The following PCDHGA2 variants were observed in gnomAD, a reference collection of about 807,000 sequenced individuals.
PCDHGA2 encodes the protein protocadherin gamma subfamily A, 2, also known as protocadherin gamma-A2.
Under a neutral mutation model 59.2 loss-of-function variants are expected in PCDHGA2, and 40 were observed. The ratio of observed to expected loss-of-function variants is 0.68; its 90% confidence interval spans 0.52 to 0.88. The LOEUF (loss-of-function observed/expected upper bound fraction) is 0.88. Ranked by LOEUF, PCDHGA2 falls within the 40% of genes least tolerant of loss-of-function variation. PCDHGA2 has a pLI of 0.00. For synonymous variants in PCDHGA2, 560 were observed against 526.0 expected (o/e 1.06, Z -0.89); for missense variants, 1,226 against 1,204.0 (o/e 1.02, Z -0.27).
At position 141,339,538 on chromosome 5, in the gene PCDHGA2, C is replaced by G. The variant is rs1416119885; in HGVS notation, c.567C>G (p.Asn189Lys). 3.1e-6 allele frequency: 5 copies of G among 1,614,056 alleles called. No homozygotes were observed. The African/African-American group carries it at 6.7e-5, about 22-fold the overall frequency. Residue 189 changes from asparagine (N) to lysine (K), a missense_variant, in exon 1 of 4, where the codon AAC becomes AAG. Coordinates refer to ENST00000394576, the MANE Select transcript of PCDHGA2 (RefSeq NM_018915.4). ...SLDVRRGADG[N>K]KYPELVLERS... is the part of the protein sequence containing the mutation. ...ACGTGCGAAGGGGAGCTGATGGGAACAAGTACCCAGAACTGGTGCTGGAGC... is the reference window on the plus strand; with the variant it reads ...ACGTGCGAAGGGGAGCTGATGGGAAGAAGTACCCAGAACTGGTGCTGGAGC...
intron 1 of PCDHGA2, chr5:141,389,226 C>G: frequency 6.2e-7 from 1 of 1,614,064 alleles, no homozygotes; most frequent in Non-Finnish European, 8.5e-7. Context: ...TGACAACGCT[C>G]CGGTTTTCTC....
In PCDHGA2 at chr5:141,339,855, A is replaced by G. The variant is rs1178068050; in HGVS notation, c.884A>G (p.Lys295Arg). The part of the protein sequence containing the change: ...PGETSEVFEL[K>R]STSGELTIIK... ...GAAACCTCAGAGGTATTTGAGCTTA[A>G]GTCAACATCTGGAGAACTGACAATC... Residue 295 changes from lysine to arginine, a missense_variant, in exon 1 of 4, where the codon AAG (lysine) becomes AGG (arginine). Coordinates refer to ENST00000394576, the MANE Select transcript of PCDHGA2 (RefSeq NM_018915.4). The G allele has an allele frequency of 1.2e-6, 2 of 1,614,072 alleles. No individual in the cohort carries two copies. The highest frequency in any genetic ancestry group is 3.3e-5 in the Admixed American group (2 of 60,014).
chr5:141,341,236 C>T lies in PCDHGA2; in HGVS notation c.2265C>T (p.His755=), dbSNP rs752681745. ...GGGCTTTCCTGCAGACCTATTCCCA[C>T]GAGGTCTCCCTCACTGCGGACTCGC... is the stretch of plus-strand genomic sequence containing the variant. The part of the protein sequence containing the change: ...GVRAFLQTYS[H]EVSLTADSRK... Residue 755 remains histidine (H), a synonymous_variant, in exon 1 of 4, where the codon CAC becomes CAT. Coordinates refer to ENST00000394576, the MANE Select transcript of PCDHGA2 (RefSeq NM_018915.4). 2 of 1,614,248 alleles carry T rather than the reference C, an allele frequency of 1.2e-6. No homozygotes were observed. Among genetic ancestry groups the T allele is most frequent in the South Asian group, 2.2e-5 (2 of 91,088 alleles).
rs1280755615 is a variant in PCDHGA2, at chr5:141,431,629, A to G, written c.2425-63178A>G. 1 of 1,614,246 alleles carries G rather than the reference A, an allele frequency of 6.2e-7. No individual in the cohort carries two copies. ...GGTATGTGGACGACAAGGCGGCCCA[A>G]GTTTTCAAACTAGATTGTAATTCAG... On this transcript the variant is annotated intron_variant, in intron 1 of 3. Transcript: ENST00000394576. The surrounding 1 kb of genome is among the most constrained non-coding windows in gnomAD (Gnocchi z 4.8).
At chr5:141,347,733 G>A (rs1347546007) in intron 1 of PCDHGA2, among the ~76,000 whole-genome samples, 1 of 150,882 alleles carries the variant, frequency 6.6e-6, no homozygotes, top group Non-Finnish European at 1.5e-5. Flanking sequence ...GTTGCAGAGA[G>A]CCAAAATTGG....
rs1264759473 is a variant in PCDHGA2 at position 141,486,183 on chromosome 5, G to A, written c.2425-8624G>A. On this transcript the variant is annotated intron_variant, in intron 1 of 3. Transcript: ENST00000394576. The surrounding 1 kb of genome is among the most constrained non-coding windows in gnomAD (Gnocchi z 5.0). The stretch of plus-strand genomic sequence containing the variant: ...GCCATGGAGCAACATTGCAGCCTTC[G>A]AGTGGATCTGCTGGACGTAAATGAC... 3 of 1,614,154 alleles carry A rather than the reference G, an allele frequency of 1.9e-6. No homozygotes were observed. The highest frequency in any genetic ancestry group is 1.1e-5 in the South Asian group (1 of 91,082).
At chr5:141,375,833 C>T (rs1269856662) in intron 1 of PCDHGA2, 2 of 1,614,034 alleles carry the variant, frequency 1.2e-6, no homozygotes, top group Non-Finnish European at 1.7e-6. Flanking sequence ...CTCCGCAGAG[C>T]CCGGCTACCT....
intron 1 of PCDHGA2, chr5:141,374,104 T>C (rs200348921): frequency 1.6e-4 from 247 of 1,570,492 alleles, no homozygotes; most frequent in African/African-American, 4.1e-5. Context: ...CGCAGAGGCA[T>C]CCGCAGCGCA....
intron 1 of PCDHGA2, chr5:141,385,218 C>G (rs765263628): frequency 6.2e-7 from 1 of 1,614,234 alleles, no homozygotes; most frequent in South Asian, 1.1e-5. Flanking sequence ...TCCCCCAGCC[C>G]AACTATGTAG....
chr5:141,350,007 C>G, intron 1 of PCDHGA2: 1 of 351,198 alleles, frequency 2.8e-6, no homozygotes, highest in Non-Finnish European at 5.1e-6. Flanking sequence ...AAAAGCTGGG[C>G]CCTGTGCAGT....
In PCDHGA2 at chr5:141,493,269, C is replaced by T. The variant is rs142898207; in HGVS notation, c.2425-1538C>T. ...ACATGCCTCTCTTATAACAGCTTCA[C>T]AGAGGTCAAGTGACTTGCTCAAGTT... is the stretch of plus-strand genomic sequence containing the variant. On this transcript the variant is annotated intron_variant, in intron 1 of 3. Coordinates refer to ENST00000394576, the MANE Select transcript of PCDHGA2 (RefSeq NM_018915.4). This position sits in a 1 kb window ranked among gnomAD's most constrained non-coding sequence, Gnocchi z 4.3. Among the ~76,000 whole-genome samples the T allele has an allele frequency of 1.3e-5, 2 of 152,322 alleles. No individual in the cohort carries two copies. The highest frequency in any genetic ancestry group is 4.8e-5 in the African/African-American group (2 of 41,570).
At chr5:141,505,300 G>A in intron 2 of PCDHGA2, 93 bp from the exon 3 acceptor site, 1 of 1,589,042 alleles carries the variant, frequency 6.3e-7, no homozygotes, top group South Asian at 1.1e-5. Flanking sequence ...GGTAGGGTTA[G>A]GGTACTAGGT....
At chr5:141,346,534 T>C in intron 1 of PCDHGA2, 1 of 1,567,410 alleles carries the variant, frequency 6.4e-7, no homozygotes, top group East Asian at 2.3e-5. Flanking sequence ...CACATATGTA[T>C]TTGAGAAATA....
intron 1 of PCDHGA2, chr5:141,409,594 C>G: frequency 1.2e-6 from 2 of 1,613,900 alleles, no homozygotes; most frequent in Non-Finnish European, 1.7e-6. Flanking sequence ...TGGCCGAGAA[C>G]AACCCGCCAG....
intron 1 of PCDHGA2, chr5:141,404,489 G>C: frequency 6.2e-7 from 1 of 1,613,796 alleles, no homozygotes; most frequent in Non-Finnish European, 8.5e-7. Flanking sequence ...AGACACTGGT[G>C]TGCTGTATGC....
At chr5:141,461,409 A>G (rs572412049) in intron 1 of PCDHGA2, among the ~76,000 whole-genome samples, 1 of 151,928 alleles carries the variant, frequency 6.6e-6, no homozygotes, top group East Asian at 1.9e-4. Flanking sequence ...GCATTTTTTC[A>G]TATGTTTGTG....
chr5:141,420,507 A>G (rs548077936), intron 1 of PCDHGA2: 1 of 428,282 alleles, frequency 2.3e-6, no homozygotes, highest in African/African-American at 2.0e-5. Context: ...TGACATTTTT[A>G]TGAAGTAAAA....
chr5:141,408,077 G>A, intron 1 of PCDHGA2: 2 of 1,408,130 alleles, frequency 1.4e-6, no homozygotes, highest in South Asian at 3.0e-5. Context: ...ACCTTTCCCA[G>A]CACAGCGGAT....
Position 141,485,890 on chromosome 5 carries a change from C to G in PCDHGA2, c.2425-8917C>G. 4 of 1,614,156 alleles carry G rather than the reference C, an allele frequency of 2.5e-6. No individual in the cohort carries two copies. Among genetic ancestry groups the G allele is most frequent in the Non-Finnish European group, 2.5e-6 (3 of 1,180,022 alleles). The stretch of plus-strand genomic sequence containing the variant: ...CCGTGCTGGACGTAAACGACAACGC[C>G]CCAGCCTTCCAGCAATCCAGCTACA... On this transcript the variant is annotated intron_variant, in intron 1 of 3. Coordinates refer to ENST00000394576, the MANE Select transcript of PCDHGA2 (RefSeq NM_018915.4). The surrounding 1 kb of genome is among the most constrained non-coding windows in gnomAD (Gnocchi z 5.7).
Sources: gnomAD v4.1 joint callset for allele counts (sites outside exome capture counted in the v4.1 genomes callset) on GRCh38, gnomAD v4.1.1 for gene constraint, Gnocchi (gnomAD v3.1) non-coding constraint, MANE v1.5 for transcripts, NCBI Gene and HGNC (gene_info 2026-07-23, HGNC 2026-07-21) for gene names.